Variants in GRID1 observed in about 807,000 individuals in gnomAD.
The protein encoded by GRID1 is glutamate ionotropic receptor delta type subunit 1.
A neutral mutation model predicts 98.0 loss-of-function variants in GRID1; 28 were observed. The observed-to-expected ratio is 0.29, with a 90% CI of 0.21 to 0.39. The LOEUF (loss-of-function observed/expected upper bound fraction) is 0.39. Among genes scored for constraint, GRID1 ranks in the 10% least tolerant of loss-of-function variants. The pLI, the probability that GRID1 is intolerant of heterozygous loss-of-function variation, is 1.00. For missense variants in GRID1, 1,111 were observed against 1,340.5 expected (o/e 0.83, Z 2.67); for synonymous variants, 553 against 538.5 (o/e 1.03, Z -0.37).
intron 4 of GRID1, among the ~76,000 whole-genome samples, chr10:85,937,983 A>G (rs1313451742): frequency 3.9e-5 from 6 of 152,236 alleles, no homozygotes; most frequent in Admixed American, 3.9e-4. Flanking sequence ...CATTCAGATA[A>G]GGCCAATGTG....
chr10:85,947,191 C>T (rs763814643), intron 4 of GRID1, among the ~76,000 whole-genome samples: 25 of 152,064 alleles, frequency 1.6e-4, no homozygotes, highest in South Asian at 2.1e-4. Flanking sequence ...AATTAAGTTC[C>T]GCTGCAGTCA....
intron 8 of GRID1, among the ~76,000 whole-genome samples, chr10:85,806,519 A>C (rs182521717): frequency 1.8e-4 from 28 of 152,304 alleles, no homozygotes; most frequent in African/African-American, 6.5e-4. Context: ...GAATGTTCTC[A>C]GAAGCTGGAT....
Position 85,724,402 on chromosome 10 carries a change from G to T in GRID1, c.1808C>A (p.Ala603Asp), listed in dbSNP as rs200595427. The change falls in exon 11 of 16, where the codon GCC becomes GAC. Residue 603 changes from alanine to aspartate, a missense_variant. Ala to Asp is a moderately radical substitution (Grantham distance 126). This residue lies in a region of GRID1 where 762 missense variants were observed against 869.1 expected (regional missense o/e 0.88). Coordinates refer to ENST00000327946, the MANE Select transcript of GRID1 (RefSeq NM_017551.3). ...SAAQPRPSAS[A>D]TLHSAIWIVY... is the part of the protein sequence containing the mutation. Reference sequence around the variant, plus strand: ...AATCCAGATGGCGCTGTGCAGAGTGGCAGAAGCTGACGGCCTGGGCTGGGC... The same window carrying T: ...AATCCAGATGGCGCTGTGCAGAGTGTCAGAAGCTGACGGCCTGGGCTGGGC... 1.7e-4 allele frequency: 270 copies of T among 1,614,100 alleles called. No individual in the cohort carries two copies. The highest frequency in any genetic ancestry group is 2.3e-4 in the Non-Finnish European group (268 of 1,180,016).
At chr10:86,081,552 T>G (rs1193925886) in intron 4 of GRID1, among the ~76,000 whole-genome samples, 2 of 152,138 alleles carry the variant, frequency 1.3e-5, no homozygotes, top group East Asian at 1.9e-4. Context: ...TCTCAGTAAA[T>G]TAAAAAGCAA....
At chr10:85,668,312 C>T (rs914521805) in intron 12 of GRID1, among the ~76,000 whole-genome samples, 46 of 152,290 alleles carry the variant, frequency 3.0e-4, no homozygotes, top group African/African-American at 1.1e-3. Context: ...GCCTCTGACT[C>T]TGTGTGTGTT....
At chr10:85,603,165 C>G (rs1039331896) in intron 15 of GRID1, among the ~76,000 whole-genome samples, 11 of 152,176 alleles carry the variant, frequency 7.2e-5, no homozygotes, top group African/African-American at 2.7e-4. Context: ...CAAAAGGAGG[C>G]TCAGGCTCAG....
intron 4 of GRID1, among the ~76,000 whole-genome samples, chr10:85,985,605 A>G (rs1842599760): frequency 6.6e-6 from 1 of 152,186 alleles, no homozygotes; most frequent in African/African-American, 2.4e-5. Context: ...GGTTCCCAGG[A>G]TGGCCTCTCA....
At chr10:86,262,895 G>A (rs913421414) in intron 2 of GRID1, among the ~76,000 whole-genome samples, 10 of 152,280 alleles carry the variant, frequency 6.6e-5, no homozygotes, top group African/African-American at 2.2e-4. Context: ...GCCCCCGCAG[G>A]AAGCTCCCTG....
intron 4 of GRID1, among the ~76,000 whole-genome samples, chr10:86,067,911 A>T (rs575476468): frequency 2.0e-5 from 3 of 152,252 alleles, no homozygotes; most frequent in East Asian, 1.9e-4. Context: ...CTACCTCCAC[A>T]TCCTTAAGGA....
intron 3 of GRID1, among the ~76,000 whole-genome samples, chr10:86,163,236 G>C (rs973484018): frequency 6.6e-6 from 1 of 152,112 alleles, no homozygotes; most frequent in Admixed American, 6.5e-5. Context: ...ACTTGCGTCT[G>C]AGCCTGTGGC....
chr10:86,053,902 G>A (rs542335949), intron 4 of GRID1, among the ~76,000 whole-genome samples: 23 of 152,234 alleles, frequency 1.5e-4, no homozygotes, highest in African/African-American at 5.3e-4. Context: ...GCACACACAC[G>A]TTTACACACA....
chr10:86,017,808 G>A (rs1842998795), intron 4 of GRID1, among the ~76,000 whole-genome samples: 1 of 152,236 alleles, frequency 6.6e-6, no homozygotes, highest in African/African-American at 2.4e-5. Context: ...ATTCCAAGTA[G>A]GAAAGAGAAG....
intron 2 of GRID1, among the ~76,000 whole-genome samples, chr10:86,308,512 C>T (rs1264239347): frequency 6.6e-6 from 1 of 152,236 alleles, no homozygotes; most frequent in African/African-American, 2.4e-5. Flanking sequence ...TCACAAGCCA[C>T]AGACTCTCCC....
At chr10:85,806,365 A>T (rs1313120813) in intron 8 of GRID1, among the ~76,000 whole-genome samples, 1 of 152,164 alleles carries the variant, frequency 6.6e-6, no homozygotes, top group Non-Finnish European at 1.5e-5. Context: ...GTGAGAATAC[A>T]AAAGGATATA....
chr10:85,871,166 C>A lies in GRID1; in HGVS notation c.781-1986G>T, dbSNP rs528134923. Among the ~76,000 whole-genome samples, 3 of 152,250 alleles carry A rather than the reference C, an allele frequency of 2.0e-5. No homozygotes were observed. The South Asian group carries it at 6.2e-4, about 32-fold the overall frequency. The stretch of plus-strand genomic sequence containing the variant: ...AAAAAATGCATTTAATCCTCCTAGC[C>A]GACGAACATCGCAGCTTAGCCTTGC... On this transcript the variant is annotated intron_variant, in intron 5 of 15. Coordinates refer to ENST00000327946, the MANE Select transcript of GRID1 (RefSeq NM_017551.3).
chr10:85,762,907 G>A (rs1842160391), intron 8 of GRID1, among the ~76,000 whole-genome samples: 2 of 152,152 alleles, frequency 1.3e-5, no homozygotes, highest in African/African-American at 4.8e-5. Flanking sequence ...AGTAGCCTCA[G>A]GGTTAAAACC....
chr10:85,719,511 T>C (rs994599639), intron 12 of GRID1, among the ~76,000 whole-genome samples: 2 of 152,154 alleles, frequency 1.3e-5, no homozygotes, highest in Non-Finnish European at 2.9e-5. Context: ...AGGCTCTTCT[T>C]ACATGGTGGT....
intron 8 of GRID1, among the ~76,000 whole-genome samples, chr10:85,781,004 G>T (rs1355458224): frequency 6.6e-6 from 1 of 152,236 alleles, no homozygotes; most frequent in African/African-American, 2.4e-5. Flanking sequence ...AGTTTCCAAA[G>T]GAGGGCCAAG....
In GRID1 at chr10:85,602,417, G is replaced by A; in HGVS notation, c.2886C>T (p.Pro962=). ...GTGACCTGTGTTTGCACTGCATGGAGGGCATGGTCGCCGAGCTGCTCAGCG... is the reference window on the plus strand; with the variant it reads ...GTGACCTGTGTTTGCACTGCATGGAAGGCATGGTCGCCGAGCTGCTCAGCG... ...PLPLSSSATM[P]SMQCKHRSPN... is the part of the protein sequence containing the mutation. Residue 962 remains proline, a synonymous_variant, in exon 16 of 16, where the codon CCC becomes CCT. Transcript: ENST00000327946. 2 of 1,614,072 alleles carry A rather than the reference G, an allele frequency of 1.2e-6. 1 individual carries two copies. The highest frequency in any genetic ancestry group is 2.2e-5 in the South Asian group (2 of 91,056).
Sources: allele counts gnomAD v4.1 joint callset (sites outside exome capture counted in the v4.1 genomes callset), GRCh38; gene constraint gnomAD v4.1.1; regional missense constraint gnomAD v4.1.1; transcripts MANE v1.5; gene names NCBI Gene and HGNC (gene_info 2026-07-23, HGNC 2026-07-21).